TCAIM: variants seen among roughly 807,000 people sequenced by gnomAD.
TCAIM encodes the protein T cell activation inhibitor, mitochondrial, also known as T-cell activation inhibitor, mitochondrial.
TCAIM carries 36 observed loss-of-function variants against 58.6 expected under a neutral mutation model. The observed-to-expected ratio is 0.61, with a 90% confidence interval of 0.47 to 0.81. The LOEUF (loss-of-function observed/expected upper bound fraction) is 0.81, where lower values mean the gene tolerates loss of function less well. Ranked by LOEUF, TCAIM falls within the 30% of genes least tolerant of loss-of-function variation. The pLI is 0.00. For synonymous variants in TCAIM, 172 were observed against 193.6 expected (o/e 0.89, Z 0.93); for missense variants, 466 against 579.6 (o/e 0.80, Z 2.01).
chr3:44,344,842 C>T (rs546488451), intron 1 of TCAIM, among the ~76,000 whole-genome samples: 3 of 151,906 alleles, frequency 2.0e-5, no homozygotes, highest in Non-Finnish European at 2.9e-5. Flanking sequence ...TGTTCTCTTG[C>T]GGGCAGGGGC....
chr3:44,354,828 A>C lies in TCAIM; in HGVS notation c.29+17A>C, dbSNP rs781187810. The stretch of plus-strand genomic sequence containing the variant: ...TATGAGGAGGTAAGCATCATGGTCC[A>C]ATCTGTAATTAGTATTGTGGCGGGG... On this transcript the variant is annotated intron_variant, in intron 2 of 10. Transcript: ENST00000342649. 9.9e-6 allele frequency: 16 copies of C among 1,609,566 alleles called. No individual in the cohort carries two copies. Among genetic ancestry groups the C allele is most frequent in the Non-Finnish European group, 1.4e-5 (16 of 1,178,896 alleles).
At chr3:44,364,188 A>C (rs535374918) in intron 4 of TCAIM, among the ~76,000 whole-genome samples, 153 of 151,576 alleles carry the variant, frequency 1.0e-3, no homozygotes, top group East Asian at 4.9e-3. Context: ...CAGCCTCCCA[A>C]AGTGCTGGTG....
At chr3:44,394,532 GAAAT>G (rs1048372735) in intron 6 of TCAIM, among the ~76,000 whole-genome samples, 1 of 151,962 alleles carries the variant, frequency 6.6e-6, no homozygotes, top group Non-Finnish European at 1.5e-5. Context: ...AACAAAAAAA[GAAAT>G]AAACATTATT....
chr3:44,406,481 A>ACGG (rs575918471), intron 10 of TCAIM, among the ~76,000 whole-genome samples: 1 of 152,076 alleles, frequency 6.6e-6, no homozygotes, highest in Non-Finnish European at 1.5e-5. Flanking sequence ...TCTAAGCAGC[A>ACGG]TATTCTAAGT....
At chr3:44,360,258 A>G (rs1701274403) in intron 3 of TCAIM, among the ~76,000 whole-genome samples, 1 of 151,808 alleles carries the variant, frequency 6.6e-6, no homozygotes, top group African/African-American at 2.4e-5. Context: ...CTAAAATGCA[A>G]GCTCCATGAA....
Position 44,370,669 on chromosome 3 carries a change from T to TG in TCAIM, c.572+2961_572+2962insG, listed in dbSNP as rs549691639. Among the ~76,000 whole-genome samples the TG allele has an allele frequency of 5.7e-3, 823 of 144,020 alleles. 4 individuals are homozygous for TG. Among genetic ancestry groups the TG allele is most frequent in the Middle Eastern group, 0.022 (6 of 278 alleles). The allele number at this position is 144,020 out of a possible 152,430, so 94.5% of individuals were successfully genotyped here. ...AGCATTACAGTAGATAGGTTTTTTGTTTTTTTTTTTTAGTTTTTTTATGCT... is the reference window on the plus strand; with the variant it reads ...AGCATTACAGTAGATAGGTTTTTTGTGTTTTTTTTTTTAGTTTTTTTATGCT... On this transcript the variant is annotated intron_variant, in intron 5 of 10. Transcript: ENST00000342649.
At chr3:44,392,828 G>C (rs780570861) in intron 5 of TCAIM, 27 bp from the exon 6 acceptor site, 1 of 1,596,098 alleles carries the variant, frequency 6.3e-7, no homozygotes, top group Non-Finnish European at 8.5e-7. Context: ...AGTTAGTATT[G>C]TAAAGTATGT....
Position 44,357,844 on chromosome 3 carries a change from C to T in TCAIM, c.133C>T (p.Pro45Ser). The part of the protein sequence containing the change: ...ALRPFYFAVH[P>S]DFFGQHPVER... Reference sequence around the variant, plus strand: ...GAGGCCTTTCTATTTTGCAGTACATCCAGATTTCTTTGGACAGCACCCCGT... The same window carrying T: ...GAGGCCTTTCTATTTTGCAGTACATTCAGATTTCTTTGGACAGCACCCCGT... Residue 45 changes from proline to serine, a missense_variant, in exon 3 of 11, where the codon CCA becomes TCA. By Grantham distance (74) the Pro-to-Ser change is moderately conservative (BLOSUM62 -1). Coordinates refer to ENST00000342649, the MANE Select transcript of TCAIM (RefSeq NM_173826.4). 2 of 1,614,048 alleles carry T rather than the reference C, an allele frequency of 1.2e-6. No homozygotes were observed. The highest frequency in any genetic ancestry group is 1.7e-6 in the Non-Finnish European group (2 of 1,179,986).
intron 4 of TCAIM, among the ~76,000 whole-genome samples, chr3:44,365,646 A>G (rs1225413004): frequency 6.6e-6 from 1 of 152,118 alleles, no homozygotes; most frequent in Non-Finnish European, 1.5e-5. Flanking sequence ...ATACACACAT[A>G]CAAGCACATA....
chr3:44,395,739 C>T (rs533164132), intron 6 of TCAIM, among the ~76,000 whole-genome samples: 2 of 152,246 alleles, frequency 1.3e-5, no homozygotes, highest in Non-Finnish European at 2.9e-5. Flanking sequence ...AATCCCAGCA[C>T]TCTGGGAGGC....
chr3:44,372,039 AAGGAAGGAAGGAAG>A lies in TCAIM; in HGVS notation c.572+4332_572+4345del, dbSNP rs1272659374. ...GAAGGAAGGAAGGAAGGAAGGAAGG[AAGGAAGGAAGGAAG>A]GAAGGAAGGAAGGAAGGAAGGAAGA... is the stretch of plus-strand genomic sequence containing the variant. On this transcript the variant is annotated intron_variant, in intron 5 of 10. Transcript: ENST00000342649. Among the ~76,000 whole-genome samples the A allele has an allele frequency of 3.5e-3, 513 of 148,020 alleles. 8 individuals are homozygous for A. The highest frequency in any genetic ancestry group is 0.012 in the African/African-American group (486 of 40,376).
Position 44,389,887 on chromosome 3 carries a change from A to G in TCAIM, c.573-2968A>G, listed in dbSNP as rs557239630. The stretch of plus-strand genomic sequence containing the variant: ...CTTATGCCCTTCTCTCCCTCTAAGC[A>G]TCCTGTCATCTGTGCATATTGGTAC... On this transcript the variant is annotated intron_variant, in intron 5 of 10. Coordinates refer to ENST00000342649, the MANE Select transcript of TCAIM (RefSeq NM_173826.4). Among the ~76,000 whole-genome samples, 6 of 152,120 alleles carry G rather than the reference A, an allele frequency of 3.9e-5. No homozygotes were observed. In the South Asian group the frequency reaches 8.3e-4, roughly 21 times the overall value.
chr3:44,374,501 A>G (rs530527172), intron 5 of TCAIM, among the ~76,000 whole-genome samples: 1 of 152,130 alleles, frequency 6.6e-6, no homozygotes, highest in Non-Finnish European at 1.5e-5. Flanking sequence ...TCTAACTATA[A>G]TCCCAGCACT....
intron 1 of TCAIM, among the ~76,000 whole-genome samples, chr3:44,353,430 G>A (rs1701132327): frequency 6.6e-6 from 1 of 152,176 alleles, no homozygotes; most frequent in South Asian, 2.1e-4. Flanking sequence ...AGTTTGTTTT[G>A]TAAATTACCA....
intron 1 of TCAIM, among the ~76,000 whole-genome samples, chr3:44,350,242 A>T (rs982801054): frequency 2.0e-5 from 3 of 152,108 alleles, no homozygotes; most frequent in Non-Finnish European, 4.4e-5. Context: ...CAAGGTGCTC[A>T]GTGGGGGAGC....
intron 5 of TCAIM, among the ~76,000 whole-genome samples, chr3:44,368,972 A>G (rs1261031367): frequency 6.6e-6 from 1 of 152,166 alleles, no homozygotes; most frequent in African/African-American, 2.4e-5. Context: ...GCGGTGAACT[A>G]TGATTGTGCC....
chr3:44,406,922 T>C (rs1478139885), intron 10 of TCAIM, among the ~76,000 whole-genome samples: 8 of 152,022 alleles, frequency 5.3e-5, no homozygotes, highest in South Asian at 4.2e-4. Context: ...AATAAGAGAG[T>C]TGTAACCTCA....
rs182614129 is a variant in TCAIM, at chr3:44,342,625, T to G, written c.-45+3791T>G. ...GATGAAGTGGAAAATGTAGCCAGAC[T>G]TGAACCCACTAAACATCTGCTTCTT... On this transcript the variant is annotated intron_variant, in intron 1 of 10. Coordinates refer to ENST00000342649, the MANE Select transcript of TCAIM (RefSeq NM_173826.4). 1.1e-4 allele frequency among the ~76,000 whole-genome samples: 16 copies of G among 152,204 alleles called. No homozygotes were observed. The East Asian group carries it at 3.1e-3, about 30-fold the overall frequency.
At chr3:44,369,387 A>G (rs1701428696) in intron 5 of TCAIM, among the ~76,000 whole-genome samples, 2 of 152,220 alleles carry the variant, frequency 1.3e-5, no homozygotes, top group South Asian at 2.1e-4. Context: ...TTTGGACTTC[A>G]CTCAAGTTAA....
Sources: gnomAD v4.1 joint callset for allele counts (sites outside exome capture counted in the v4.1 genomes callset) on GRCh38, gnomAD v4.1.1 for gene constraint, MANE v1.5 for transcripts, NCBI Gene and HGNC (gene_info 2026-07-23, HGNC 2026-07-21) for gene names.